PTPRN2: variants seen among roughly 807,000 people sequenced by gnomAD.
The protein encoded by PTPRN2 is protein tyrosine phosphatase receptor type N2, also known as receptor-type tyrosine-protein phosphatase N2.
Under a neutral mutation model 118.8 loss-of-function variants are expected in PTPRN2, and 74 were observed. That is an observed-to-expected ratio of 0.62 (90% CI 0.52 to 0.76). The LOEUF (loss-of-function observed/expected upper bound fraction) is 0.76, where lower values mean the gene tolerates loss of function less well. Ranked by LOEUF, PTPRN2 falls within the 30% of genes least tolerant of loss-of-function variation. The pLI is 0.00. For synonymous variants in PTPRN2, 641 were observed against 608.0 expected (o/e 1.05, Z -0.80); for missense variants, 1,481 against 1,394.4 (o/e 1.06, Z -0.99).
intron 14 of PTPRN2, among the ~76,000 whole-genome samples, chr7:157,653,904 T>G (rs1468100862): frequency 2.1e-5 from 1 of 46,670 alleles, no homozygotes; most frequent in Non-Finnish European, 3.9e-5. Flanking sequence ...CAACTCCACA[T>G]GACGCCCGTC....
chr7:158,530,947 T>G (rs1346726905), intron 1 of PTPRN2, among the ~76,000 whole-genome samples: 1 of 152,038 alleles, frequency 6.6e-6, no homozygotes, highest in African/African-American at 2.4e-5. Flanking sequence ...CACGTGTGTG[T>G]GTGTAAGCAT....
chr7:158,269,174 C>T (rs577329179), intron 3 of PTPRN2, among the ~76,000 whole-genome samples: 2 of 152,188 alleles, frequency 1.3e-5, no homozygotes, highest in South Asian at 4.1e-4. Flanking sequence ...GAAAATGCCC[C>T]AAAGGGGCCT....
chr7:157,871,096 G>A (rs1001967498), intron 12 of PTPRN2, among the ~76,000 whole-genome samples: 3 of 152,290 alleles, frequency 2.0e-5, no homozygotes, highest in South Asian at 2.1e-4. Context: ...ACTTCCTTAC[G>A]AAGAAGCTGG....
intron 2 of PTPRN2, among the ~76,000 whole-genome samples, chr7:158,415,510 C>T (rs973729290): frequency 2.0e-5 from 3 of 152,178 alleles, no homozygotes; most frequent in South Asian, 2.1e-4. Context: ...GTCACTGCTC[C>T]GGAGTGCGGC....
intron 12 of PTPRN2, among the ~76,000 whole-genome samples, chr7:157,775,350 C>A (rs990790861): frequency 3.0e-4 from 45 of 152,236 alleles, no homozygotes; most frequent in African/African-American, 1.0e-3. Flanking sequence ...CTCACCTCAC[C>A]CTGCTGGGTC....
At chr7:157,685,199 C>G (rs1437753035) in intron 12 of PTPRN2, among the ~76,000 whole-genome samples, 3 of 151,990 alleles carry the variant, frequency 2.0e-5, no homozygotes, top group Non-Finnish European at 4.4e-5. Context: ...CCCCTCATCC[C>G]GGCCGGGCCG....
chr7:158,341,849 C>A (rs1283395567), intron 2 of PTPRN2, among the ~76,000 whole-genome samples: 2 of 24,704 alleles, frequency 8.1e-5, no homozygotes, highest in Non-Finnish European at 1.8e-4. Context: ...CCCACACTCT[C>A]ACCATAAGAG....
intron 12 of PTPRN2, among the ~76,000 whole-genome samples, chr7:157,706,896 C>T (rs1344682204): frequency 6.6e-6 from 1 of 151,198 alleles, no homozygotes; most frequent in Non-Finnish European, 1.5e-5. Flanking sequence ...TCAATGTGGA[C>T]CACATCCCTC....
intron 11 of PTPRN2, among the ~76,000 whole-genome samples, chr7:157,907,525 T>C (rs1389912615): frequency 1.4e-5 from 2 of 143,490 alleles, no homozygotes; most frequent in African/African-American, 5.2e-5. Context: ...CCCTGTCCCT[T>C]GCGTGTGGGG....
intron 22 of PTPRN2, among the ~76,000 whole-genome samples, chr7:157,541,167 T>C (rs944971683): frequency 3.9e-5 from 6 of 152,210 alleles, no homozygotes; most frequent in African/African-American, 1.4e-4. Flanking sequence ...CCCGCCTTGG[T>C]GGACGGTGTG....
chr7:158,044,004 G>A (rs1038660249), intron 11 of PTPRN2, among the ~76,000 whole-genome samples: 11 of 152,350 alleles, frequency 7.2e-5, no homozygotes, highest in Admixed American at 2.0e-4. Flanking sequence ...GCCACACGCC[G>A]AGGCTGTGAT....
intron 12 of PTPRN2, among the ~76,000 whole-genome samples, chr7:157,850,454 A>T (rs1382627415): frequency 6.6e-6 from 1 of 151,100 alleles, no homozygotes; most frequent in Non-Finnish European, 1.5e-5. Context: ...TCACGCTCGC[A>T]TAAGGGATCC....
intron 3 of PTPRN2, among the ~76,000 whole-genome samples, chr7:158,264,631 G>A (rs999692293): frequency 5.9e-5 from 9 of 152,184 alleles, no homozygotes; most frequent in African/African-American, 1.9e-4. Context: ...GATTCACCTC[G>A]AGACTCCAAA....
In PTPRN2 at chr7:157,990,364, G is replaced by A. The variant is rs974279372; in HGVS notation, c.1723+90934C>T. ...GACAGGTGCAGCAGAGATTGGGCAC[G>A]GGCCAGGAATGCATCACGGCACCTG... On this transcript the variant is annotated intron_variant, in intron 11 of 22. Coordinates refer to ENST00000389418, the MANE Select transcript of PTPRN2 (RefSeq NM_002847.5). The surrounding 1 kb of genome is among the most constrained non-coding windows in gnomAD (Gnocchi z 4.3). 1.1e-4 allele frequency among the ~76,000 whole-genome samples: 17 copies of A among 152,170 alleles called. No individual in the cohort carries two copies. The highest frequency in any genetic ancestry group is 2.7e-4 in the African/African-American group (11 of 41,442).
intron 2 of PTPRN2, among the ~76,000 whole-genome samples, chr7:158,470,203 G>A (rs927941820): frequency 1.3e-5 from 2 of 152,166 alleles, no homozygotes; most frequent in African/African-American, 2.4e-5. Context: ...CAACAACTGG[G>A]GAAAAAAACA....
intron 3 of PTPRN2, among the ~76,000 whole-genome samples, chr7:158,268,830 T>C (rs2004589): frequency 0.33 from 25,925 of 77,642 alleles, 5,940 homozygotes; most frequent in African/African-American, 0.54. Context: ...GCACACAGGG[T>C]GGGTGTGAAA....
At chr7:157,919,132 C>T (rs1448011231) in intron 11 of PTPRN2, among the ~76,000 whole-genome samples, 9 of 152,156 alleles carry the variant, frequency 5.9e-5, no homozygotes, top group African/African-American at 2.2e-4. Context: ...TCAATAGCGA[C>T]TGATCAAGCT....
intron 13 of PTPRN2, among the ~76,000 whole-genome samples, chr7:157,659,394 G>C (rs1348799233): frequency 2.8e-5 from 3 of 108,912 alleles, no homozygotes; most frequent in Admixed American, 9.1e-5. Context: ...CCGCGGGGAT[G>C]GGGGGGATGG....
intron 12 of PTPRN2, among the ~76,000 whole-genome samples, chr7:157,718,820 G>A (rs1166115515): frequency 1.3e-5 from 2 of 151,334 alleles, no homozygotes; most frequent in Non-Finnish European, 1.5e-5. Context: ...TGGTTTCTCA[G>A]CTGCCGCAAT....
Sources: allele counts gnomAD v4.1 joint callset (sites outside exome capture counted in the v4.1 genomes callset), GRCh38; gene constraint gnomAD v4.1.1; non-coding constraint Gnocchi (gnomAD v3.1); transcripts MANE v1.5; gene names NCBI Gene and HGNC (gene_info 2026-07-23, HGNC 2026-07-21).